Variants in PPP1CB observed in about 807,000 individuals in gnomAD.
The protein encoded by PPP1CB is protein phosphatase 1 catalytic subunit beta.
A neutral mutation model predicts 43.7 loss-of-function variants in PPP1CB; 2 were observed. The ratio of observed to expected loss-of-function variants is 0.05; its 90% CI spans 0.02 to 0.14. The LOEUF (loss-of-function observed/expected upper bound fraction) is 0.14, where lower values mean the gene tolerates loss of function less well. Ranked by LOEUF, PPP1CB falls within the 10% of genes least tolerant of loss-of-function variation. The pLI is 1.00. For missense variants in PPP1CB, 84 were observed against 398.0 expected (o/e 0.21, Z 6.71); for synonymous variants, 136 against 135.6 (o/e 1.00, Z -0.02).
At chr2:28,782,453 A>G (rs1236224461) in intron 4 of PPP1CB, 1 of 153,438 alleles carries the variant, frequency 6.5e-6, no homozygotes, top group Non-Finnish European at 1.4e-5. Flanking sequence ...TGAAACAGAT[A>G]ATTGAGTAAT....
chr2:28,759,520 CAAAAAAAAAAAAAAAAAA>C (rs559532367), intron 1 of PPP1CB, among the ~76,000 whole-genome samples: 1 of 100,840 alleles, frequency 9.9e-6, no homozygotes, highest in Non-Finnish European at 2.0e-5. Flanking sequence ...ACTGCATCTC[CAAAAAAAAAAAAAAAAAA>C]AAAAAAAAGT....
Position 28,800,457 on chromosome 2 carries a change from T to C in PPP1CB, c.*1154T>C, listed in dbSNP as rs555714753. On this transcript the variant is annotated 3_prime_UTR_variant, in exon 8 of 8. Transcript: ENST00000395366. Reference sequence around the variant, plus strand: ...ATGTTGTATACGATTGTAAGGCTTATGTCACTAAAGATTTTTATTCTGATT... The same window carrying C: ...ATGTTGTATACGATTGTAAGGCTTACGTCACTAAAGATTTTTATTCTGATT... 1 of 152,588 alleles carries C rather than the reference T, an allele frequency of 6.6e-6. No homozygotes were observed. Among genetic ancestry groups the C allele is most frequent in the East Asian group, 1.9e-4 (1 of 5,186 alleles). The allele number at this position is 152,588 out of a possible 1,614,324, so 9.5% of individuals were successfully genotyped here.
In PPP1CB at chr2:28,793,877, A is replaced by G. The variant is rs1484376725; in HGVS notation, c.759A>G (p.Gly253=). 6.2e-7 allele frequency: 1 copy of G among 1,613,796 alleles called. No individual in the cohort carries two copies. Among genetic ancestry groups the G allele is most frequent in the East Asian group, 2.2e-5 (1 of 44,872 alleles). Residue 253 remains glycine, a synonymous_variant, in exon 7 of 8, where the codon GGA becomes GGG. Transcript: ENST00000395366. ...ICRAHQVVED[G]YEFFAKRQLV... is the part of the protein sequence containing the mutation. The stretch of plus-strand genomic sequence containing the variant: ...TCCTTTGACAGGTGGTGGAAGATGG[A>G]TATGAATTTTTTGCTAAACGACAGT...
intron 1 of PPP1CB, among the ~76,000 whole-genome samples, chr2:28,774,427 C>T (rs970399703): frequency 5.3e-5 from 8 of 151,994 alleles, no homozygotes; most frequent in African/African-American, 1.7e-4. Flanking sequence ...TCTTCCAAGG[C>T]GAATACTTTT....
At position 28,783,981 on chromosome 2, in the gene PPP1CB, A is replaced by T; in HGVS notation, c.592+3A>T. The T allele has an allele frequency of 6.3e-7, 1 of 1,596,384 alleles. No homozygotes were observed. The highest frequency in any genetic ancestry group is 2.2e-5 in the East Asian group (1 of 44,750). On this transcript the variant is annotated splice_donor_region_variant and intron_variant, in intron 5 of 7. Transcript: ENST00000395366. ...ACCTACTGATGTCCCTGATACAGGT[A>T]AGTGTAGAGAGAAGTTTAATTGTTT... is the stretch of plus-strand genomic sequence containing the variant.
intron 6 of PPP1CB, among the ~76,000 whole-genome samples, chr2:28,790,688 A>G (rs1447055924): frequency 1.3e-5 from 2 of 152,214 alleles, no homozygotes; most frequent in Admixed American, 1.3e-4. Flanking sequence ...TTATGTAAGA[A>G]GAATGTCTGT....
chr2:28,759,289 G>A (rs1666582585), intron 1 of PPP1CB, among the ~76,000 whole-genome samples: 1 of 152,158 alleles, frequency 6.6e-6, no homozygotes, highest in South Asian at 2.1e-4. Context: ...GCCAAGGCAG[G>A]TGGACCACTT....
At chr2:28,791,736 T>A (rs540740600) in intron 6 of PPP1CB, among the ~76,000 whole-genome samples, 4 of 152,332 alleles carry the variant, frequency 2.6e-5, no homozygotes, top group Admixed American at 2.6e-4. Flanking sequence ...AAATGACCCC[T>A]GATAATCAGT....
intron 1 of PPP1CB, among the ~76,000 whole-genome samples, chr2:28,754,210 G>C (rs1256775458): frequency 6.6e-6 from 1 of 151,822 alleles, no homozygotes; most frequent in Non-Finnish European, 1.5e-5. Flanking sequence ...ATGATTACAG[G>C]TACTTAAACT....
At chr2:28,779,759 A>G (rs779708944) in intron 3 of PPP1CB, among the ~76,000 whole-genome samples, 1 of 152,112 alleles carries the variant, frequency 6.6e-6, no homozygotes, top group Non-Finnish European at 1.5e-5. Context: ...TTCAATCCTT[A>G]ATTATGTTAG....
intron 2 of PPP1CB, among the ~76,000 whole-genome samples, chr2:28,777,725 T>C (rs1438259178): frequency 6.6e-6 from 1 of 152,196 alleles, no homozygotes. Flanking sequence ...CAATCTTGGC[T>C]CACTGCAACC....
chr2:28,767,954 C>G (rs1666817891), intron 1 of PPP1CB, among the ~76,000 whole-genome samples: 2 of 152,098 alleles, frequency 1.3e-5, no homozygotes, highest in Admixed American at 6.5e-5. Flanking sequence ...GTCAGGAAAC[C>G]TTGGTGCTCC....
intron 7 of PPP1CB, among the ~76,000 whole-genome samples, 168 bp from the exon 8 acceptor site, chr2:28,799,031 A>G (rs1667554224): frequency 6.6e-6 from 1 of 152,104 alleles, no homozygotes; most frequent in African/African-American, 2.4e-5. Flanking sequence ...GTGGAATGAC[A>G]AAGTTCAGAC....
intron 1 of PPP1CB, among the ~76,000 whole-genome samples, chr2:28,775,474 C>T (rs754821251): frequency 2.6e-5 from 4 of 152,132 alleles, no homozygotes; most frequent in Non-Finnish European, 5.9e-5. Context: ...CTAGTGCCAT[C>T]ATAGCTCACT....
chr2:28,780,975 A>T (rs1037891430), intron 3 of PPP1CB, among the ~76,000 whole-genome samples: 6 of 152,170 alleles, frequency 3.9e-5, no homozygotes, highest in African/African-American at 1.4e-4. Flanking sequence ...TACTGTGTTA[A>T]TCAATGCATT....
intron 1 of PPP1CB, among the ~76,000 whole-genome samples, chr2:28,755,194 A>G (rs1303035340): frequency 1.3e-5 from 2 of 152,004 alleles, no homozygotes; most frequent in African/African-American, 4.8e-5. Flanking sequence ...GGACTACAGC[A>G]TGCCACCACG....
intron 1 of PPP1CB, among the ~76,000 whole-genome samples, chr2:28,764,502 A>G (rs1315847563): frequency 6.6e-6 from 1 of 151,932 alleles, no homozygotes; most frequent in Admixed American, 6.6e-5. Context: ...AGCCAATTGT[A>G]GAATTTTTAT....
intron 1 of PPP1CB, among the ~76,000 whole-genome samples, chr2:28,763,943 C>T (rs753497971): frequency 1.1e-4 from 17 of 151,784 alleles, no homozygotes; most frequent in Non-Finnish European, 2.2e-4. Context: ...CCTCCTGATC[C>T]GCCCACCTTA....
rs979042720 is a variant in PPP1CB, at chr2:28,799,083, T to C, written c.880-116T>C. 4.4e-6 allele frequency: 3 copies of C among 678,174 alleles called. No individual in the cohort carries two copies. The African/African-American group carries it at 5.5e-5, about 12-fold the overall frequency. The allele number at this position is 678,174 out of a possible 1,614,324, so 42.0% of individuals were successfully genotyped here. A position where few individuals can be genotyped will look rare whatever the true frequency, so the allele number is the denominator to read the frequency against. Reference sequence around the variant, plus strand: ...AAATGTTTATGGAACTTTGCTATTCTACATTTTTATTGCATTTTTGCAGTT... The same window carrying C: ...AAATGTTTATGGAACTTTGCTATTCCACATTTTTATTGCATTTTTGCAGTT... On this transcript the variant is annotated intron_variant, in intron 7 of 7. Coordinates refer to ENST00000395366, the MANE Select transcript of PPP1CB (RefSeq NM_002709.3).
Sources: gnomAD v4.1 joint callset for allele counts (sites outside exome capture counted in the v4.1 genomes callset) on GRCh38, gnomAD v4.1.1 for gene constraint, MANE v1.5 for transcripts, NCBI Gene and HGNC (gene_info 2026-07-23, HGNC 2026-07-21) for gene names.